Variants in CPVL observed in about 807,000 individuals in gnomAD.
The protein encoded by CPVL is carboxypeptidase vitellogenic like.
CPVL carries 51 observed loss-of-function variants against 63.7 expected under a neutral mutation model. The observed-to-expected ratio is 0.80, with a 90% CI of 0.64 to 1.01. CPVL has a LOEUF of 1.01. Among genes scored for constraint, CPVL ranks in the 50% least tolerant of loss-of-function variants. The pLI, the probability that CPVL is intolerant of heterozygous loss-of-function variation, is 0.00. For synonymous variants in CPVL, 195 were observed against 206.0 expected, an observed-to-expected ratio of 0.95 and a Z score of 0.46; for missense variants, 530 against 573.1, an observed-to-expected ratio of 0.92 and a Z score of 0.77.
chr7:29,098,666 C>A (rs535800097), intron 3 of CPVL, among the ~76,000 whole-genome samples: 1 of 152,264 alleles, frequency 6.6e-6, no homozygotes, highest in African/African-American at 2.4e-5. Context: ...GAAGCTCTTG[C>A]CCCAAACTGT....
intron 11 of CPVL, among the ~76,000 whole-genome samples, chr7:29,060,268 G>GT (rs1235059375): frequency 2.0e-5 from 3 of 152,154 alleles, no homozygotes; most frequent in Admixed American, 6.5e-5. Flanking sequence ...CATAAATACT[G>GT]TTTTTATTCC....
chr7:29,120,052 A>T (rs1031541293), intron 2 of CPVL, among the ~76,000 whole-genome samples: 2 of 152,252 alleles, frequency 1.3e-5, no homozygotes, highest in Non-Finnish European at 2.9e-5. Flanking sequence ...CTGCAACTCA[A>T]CCATGCAGGT....
chr7:29,008,637 GT>G (rs1785460715), intron 12 of CPVL, among the ~76,000 whole-genome samples: 1 of 152,110 alleles, frequency 6.6e-6, no homozygotes, highest in Admixed American at 6.6e-5. Context: ...TAAATGCAGT[GT>G]TTTTCTTTTT....
At chr7:29,146,326 G>A (rs113631333) in intron 1 of CPVL, 103 bp downstream of exon 1, 25,820 of 465,346 alleles carry the variant, frequency 0.055, 905 homozygotes, top group Admixed American at 0.065. Flanking sequence ...TGGTGCTGAG[G>A]GCTTTTGAGA....
chr7:29,079,312 A>C (rs1166160616), intron 7 of CPVL, among the ~76,000 whole-genome samples: 1 of 152,204 alleles, frequency 6.6e-6, no homozygotes. Flanking sequence ...TTGGTGAACA[A>C]GCATTTTGGT....
chr7:29,025,747 A>C (rs1787430365), intron 12 of CPVL, among the ~76,000 whole-genome samples: 1 of 152,232 alleles, frequency 6.6e-6, no homozygotes, highest in Admixed American at 6.5e-5. Context: ...AAAAGTTTTC[A>C]ATTTAGCAAG....
chr7:29,147,240 A>C, upstream of CPVL: 1 of 409,586 alleles, frequency 2.4e-6, no homozygotes, highest in Non-Finnish European at 4.4e-6. Flanking sequence ...ATAACACAAA[A>C]TAAAGGAGGG....
At chr7:29,192,489 A>T (rs909489891) in intron 1 of CPVL, 2 of 152,240 alleles carry the variant, frequency 1.3e-5, no homozygotes, top group African/African-American at 2.4e-5. Flanking sequence ...CAAGAAATAT[A>T]AGCCATAGAT....
chr7:29,077,424 C>T (rs1784341122), intron 7 of CPVL, among the ~76,000 whole-genome samples: 1 of 152,148 alleles, frequency 6.6e-6, no homozygotes, highest in Admixed American at 6.5e-5. Flanking sequence ...TGAGACACAG[C>T]TAAACTTAGA....
chr7:29,174,857 A>G lies in CPVL; in HGVS notation c.-11+6433T>C, dbSNP rs771819938. 2.6e-3 allele frequency among the ~76,000 whole-genome samples: 401 copies of G among 151,370 alleles called. 5 individuals carry two copies. Among genetic ancestry groups the G allele is most frequent in the Non-Finnish European group, 4.6e-3 (309 of 67,794 alleles). On this transcript the variant is annotated intron_variant, in intron 5 of 16. Coordinates refer to the CPVL transcript ENST00000409850. ...CCTGGGCAAAAAAGAGCAAAACTCC[A>G]TCTAAAAAAAAAAAAAAAAGAATTT...
intron 11 of CPVL, among the ~76,000 whole-genome samples, chr7:29,032,256 A>G (rs1270211164): frequency 6.6e-6 from 1 of 152,064 alleles, no homozygotes; most frequent in Non-Finnish European, 1.5e-5. Context: ...GGACTTTTAC[A>G]CACTCCAAAT....
chr7:29,066,348 T>G (rs1045129972), intron 9 of CPVL, among the ~76,000 whole-genome samples: 5 of 152,180 alleles, frequency 3.3e-5, no homozygotes, highest in Admixed American at 2.0e-4. Context: ...GCTTTTATTC[T>G]GGTGGGGGAC....
Position 29,004,482 on chromosome 7 carries a change from G to A in CPVL, c.1321-8600C>T, listed in dbSNP as rs1019773804. Among the ~76,000 whole-genome samples, 6 of 152,110 alleles carry A rather than the reference G, an allele frequency of 3.9e-5. 1 individual carries two copies. The South Asian group carries it at 8.3e-4, about 21-fold the overall frequency. ...TTCTGTGTTAATTTCAGCAAGGTTG[G>A]GATGAATTATTGAAGTTGAAGCTTT... On this transcript the variant is annotated intron_variant, in intron 12 of 12. Transcript: ENST00000265394.
chr7:29,100,763 G>A (rs1033436670), intron 3 of CPVL, among the ~76,000 whole-genome samples: 8 of 152,196 alleles, frequency 5.3e-5, no homozygotes, highest in Admixed American at 4.6e-4. Context: ...CTTTCCTGGA[G>A]GAGGTGAATG....
At chr7:29,049,627 G>A (rs751931388) in intron 11 of CPVL, among the ~76,000 whole-genome samples, 7 of 151,874 alleles carry the variant, frequency 4.6e-5, no homozygotes, top group East Asian at 1.9e-4. Flanking sequence ...ACTATTCCAC[G>A]ACATAGAGAA....
At chr7:29,146,388 C>T in intron 1 of CPVL, 41 bp downstream of exon 1, 1 of 769,252 alleles carries the variant, frequency 1.3e-6, no homozygotes, top group Non-Finnish European at 2.0e-6. Flanking sequence ...GGACCTGTCC[C>T]GCTGAGCTGG....
chr7:29,005,929 T>G (rs1785151594), intron 12 of CPVL, among the ~76,000 whole-genome samples: 1 of 152,146 alleles, frequency 6.6e-6, no homozygotes, highest in South Asian at 2.1e-4. Flanking sequence ...GAAGAGAGAA[T>G]AAGAGTGGGG....
At chr7:29,047,049 C>G (rs1789693181) in intron 11 of CPVL, among the ~76,000 whole-genome samples, 1 of 152,134 alleles carries the variant, frequency 6.6e-6, no homozygotes. Context: ...TACAAATGAA[C>G]AAGCCATTTG....
chr7:29,177,026 GA>G (rs1407976532), intron 5 of CPVL, among the ~76,000 whole-genome samples: 1 of 151,928 alleles, frequency 6.6e-6, no homozygotes, highest in African/African-American at 2.4e-5. Flanking sequence ...GCAAGAAAGA[GA>G]GGGGAAAAAA....
Sources: allele counts gnomAD v4.1 joint callset (sites outside exome capture counted in the v4.1 genomes callset), GRCh38; gene constraint gnomAD v4.1.1; transcripts MANE v1.5; gene names NCBI Gene and HGNC (gene_info 2026-07-23, HGNC 2026-07-21).